The following PRELID2 variants were observed in gnomAD, a reference collection of about 807,000 sequenced individuals.
PRELID2 encodes PRELI domain containing 2.
Under a neutral mutation model 28.4 loss-of-function variants are expected in PRELID2, and 25 were observed. That is an observed-to-expected ratio of 0.88 (90% CI 0.64 to 1.23). The LOEUF is 1.23. Among genes scored for constraint, PRELID2 ranks in the 50% most tolerant of loss-of-function variants. The pLI is 0.00. For synonymous variants in PRELID2, 76 were observed against 71.6 expected (o/e 1.06, Z -0.31); for missense variants, 201 against 214.4 (o/e 0.94, Z 0.39).
At chr5:145,641,654 C>T (rs1241521812) in intron 1 of PRELID2, among the ~76,000 whole-genome samples, 1 of 151,666 alleles carries the variant, frequency 6.6e-6, no homozygotes, top group Non-Finnish European at 1.5e-5. Context: ...AATGCTATCC[C>T]TCCCCAAGCC....
intron 1 of PRELID2, among the ~76,000 whole-genome samples, chr5:145,693,864 A>G (rs1755201958): frequency 6.6e-6 from 1 of 152,238 alleles, no homozygotes; most frequent in African/African-American, 2.4e-5. Flanking sequence ...ATGTTGGAGA[A>G]GAATATATAA....
intron 6 of PRELID2, among the ~76,000 whole-genome samples, chr5:145,762,872 A>C (rs338889): frequency 0.83 from 125,513 of 152,130 alleles, 52,328 homozygotes; most frequent in East Asian, 0.97. Context: ...TTTCTCAGTG[A>C]CCTGGCATTT....
intron 1 of PRELID2, among the ~76,000 whole-genome samples, chr5:145,550,430 G>A (rs1258058733): frequency 1.3e-5 from 2 of 152,118 alleles, no homozygotes; most frequent in Non-Finnish European, 2.9e-5. Flanking sequence ...TGTAAGATTA[G>A]CCAGGTGTGG....
At chr5:145,675,724 T>C (rs1754800279) in intron 1 of PRELID2, among the ~76,000 whole-genome samples, 1 of 152,222 alleles carries the variant, frequency 6.6e-6, no homozygotes. Flanking sequence ...TTTTACATTT[T>C]TAAAGGATTA....
chr5:145,336,862 A>T, the PRELID2 span, among the ~76,000 whole-genome samples: 4 of 150,942 alleles, frequency 2.7e-5, no homozygotes, highest in South Asian at 6.3e-4. Context: ...TATCGCAAGA[A>T]CAAAAAACCA....
the PRELID2 span, among the ~76,000 whole-genome samples, chr5:145,417,903 C>G: frequency 6.6e-6 from 1 of 152,090 alleles, no homozygotes; most frequent in Non-Finnish European, 1.5e-5. Context: ...ACAGGGAAAT[C>G]AAGCAAGAGA....
chr5:145,707,825 A>G (rs1254508796), intron 1 of PRELID2, among the ~76,000 whole-genome samples: 1 of 152,100 alleles, frequency 6.6e-6, no homozygotes, highest in African/African-American at 2.4e-5. Context: ...AGTACTGTAT[A>G]CCCAAAACCA....
At chr5:145,571,898 C>T (rs1162946812) in intron 1 of PRELID2, among the ~76,000 whole-genome samples, 3 of 151,328 alleles carry the variant, frequency 2.0e-5, no homozygotes, top group South Asian at 2.1e-4. Context: ...AGGAGAATGG[C>T]GTGAACCCAG....
the PRELID2 span, among the ~76,000 whole-genome samples, chr5:145,376,160 T>C: frequency 6.6e-6 from 1 of 152,186 alleles, no homozygotes; most frequent in South Asian, 2.1e-4. Flanking sequence ...ATGATGTATT[T>C]TTTGTCCTTA....
intron 1 of PRELID2, among the ~76,000 whole-genome samples, chr5:145,691,331 A>T (rs535471969): frequency 6.6e-6 from 1 of 152,324 alleles, no homozygotes; most frequent in Admixed American, 6.5e-5. Flanking sequence ...TATACACTTA[A>T]AGGAATGAGA....
chr5:145,833,376 C>A (rs1264452392), intron 1 of PRELID2, among the ~76,000 whole-genome samples: 2 of 152,134 alleles, frequency 1.3e-5, no homozygotes, highest in Admixed American at 6.5e-5. Context: ...AAAGACTTTA[C>A]AAAGGAGCAG....
chr5:145,699,592 C>T (rs1755361759), intron 1 of PRELID2, among the ~76,000 whole-genome samples: 1 of 152,100 alleles, frequency 6.6e-6, no homozygotes, highest in South Asian at 2.1e-4. Context: ...ACCCTTGCAC[C>T]ACAGCCTTCT....
At chr5:145,624,611 C>T (rs953791911) in intron 1 of PRELID2, among the ~76,000 whole-genome samples, 1 of 152,058 alleles carries the variant, frequency 6.6e-6, no homozygotes, top group African/African-American at 2.4e-5. Context: ...GGATTAAAGG[C>T]TTGAAGTAAG....
At chr5:145,825,962 G>C in intron 1 of PRELID2, 1 of 920,858 alleles carries the variant, frequency 1.1e-6, no homozygotes, top group Non-Finnish European at 1.3e-6. Flanking sequence ...TTGAAAGAGG[G>C]AAGGCTTCTC....
At chr5:145,542,170 C>A (rs1752749413) in intron 1 of PRELID2, among the ~76,000 whole-genome samples, 1 of 152,088 alleles carries the variant, frequency 6.6e-6, no homozygotes, top group African/African-American at 2.4e-5. Flanking sequence ...ATAGGCTGAG[C>A]CCACCTTTCG....
intron 5 of PRELID2, among the ~76,000 whole-genome samples, chr5:145,793,409 C>G (rs980709091): frequency 7.9e-5 from 12 of 152,080 alleles, no homozygotes; most frequent in African/African-American, 2.7e-4. Flanking sequence ...CTAAAACACT[C>G]TTATGGTGAC....
intron 1 of PRELID2, among the ~76,000 whole-genome samples, chr5:145,488,120 T>C (rs765052142): frequency 1.1e-5 from 1 of 91,624 alleles, no homozygotes; most frequent in African/African-American, 4.0e-5. Flanking sequence ...CGAGACTCTG[T>C]CTCAAAAAAA....
At chr5:145,387,117 C>T in the PRELID2 span, among the ~76,000 whole-genome samples, 5 of 152,118 alleles carry the variant, frequency 3.3e-5, no homozygotes, top group Admixed American at 6.6e-5. Context: ...AAATAACACT[C>T]GGGTAATGTG....
chr5:145,660,467 A>G (rs1177674814), intron 1 of PRELID2, among the ~76,000 whole-genome samples: 2 of 152,154 alleles, frequency 1.3e-5, no homozygotes, highest in African/African-American at 4.8e-5. Context: ...CCAAAAGTAA[A>G]TTCAAGGAGA....
Sources: gnomAD v4.1 joint callset for allele counts (sites outside exome capture counted in the v4.1 genomes callset) on GRCh38, gnomAD v4.1.1 for gene constraint, MANE v1.5 for transcripts, NCBI Gene and HGNC (gene_info 2026-07-23, HGNC 2026-07-21) for gene names.